The following ATP11B variants were observed in gnomAD, a reference collection of about 807,000 sequenced individuals.
ATP11B encodes the protein ATPase phospholipid transporting 11B (putative), also known as phospholipid-transporting ATPase IF.
A neutral mutation model predicts 157.8 loss-of-function variants in ATP11B; 81 were observed. The ratio of observed to expected loss-of-function variants is 0.51; its 90% CI spans 0.43 to 0.62. ATP11B has a LOEUF of 0.62. Among genes scored for constraint, ATP11B ranks in the 20% least tolerant of loss-of-function variants. The pLI is 0.00. For synonymous variants in ATP11B, 451 were observed against 469.4 expected, an observed-to-expected ratio of 0.96 and a Z score of 0.51; for missense variants, 1,165 against 1,402.2, an observed-to-expected ratio of 0.83 and a Z score of 2.70.
intron 2 of ATP11B, among the ~76,000 whole-genome samples, chr3:182,821,358 C>T (rs556067157): frequency 1.3e-5 from 2 of 152,240 alleles, no homozygotes; most frequent in East Asian, 1.9e-4. Context: ...CCACCCACCT[C>T]GGCCTCCCAA....
chr3:182,900,397 A>G (rs1391686110), intron 28 of ATP11B, among the ~76,000 whole-genome samples: 1 of 152,216 alleles, frequency 6.6e-6, no homozygotes, highest in Non-Finnish European at 1.5e-5. Context: ...TCAGTAAAAC[A>G]GTTATCATTA....
At position 182,872,530 on chromosome 3, in the gene ATP11B, G is replaced by A. The variant is rs755743084; in HGVS notation, c.2041G>A (p.Glu681Lys). The A allele has an allele frequency of 1.9e-6, 3 of 1,605,674 alleles. No individual in the cohort carries two copies. The highest frequency in any genetic ancestry group is 2.5e-6 in the Non-Finnish European group (3 of 1,177,172). The change falls in exon 18 of 30, where the codon GAA becomes AAA. Residue 681 changes from glutamate to lysine, a missense_variant. Around this residue, in one of 4 missense-constraint regions of ATP11B, gnomAD observed 737 missense variants for 930.5 expected, o/e 0.79. Coordinates refer to ENST00000323116, the MANE Select transcript of ATP11B (RefSeq NM_014616.3). ...GATATTACTTGGAGCCACAGCAGTA[G>A]AAGACAGGTAAGTATCAGATAATTA... Reference protein sequence around the residue: ...DLILLGATAVEDRLQDKVRET... With the variant: ...DLILLGATAVKDRLQDKVRET...
At chr3:182,825,811 A>T (rs1192629367) in intron 2 of ATP11B, among the ~76,000 whole-genome samples, 2 of 151,982 alleles carry the variant, frequency 1.3e-5, no homozygotes, top group Non-Finnish European at 2.9e-5. Flanking sequence ...GAGACATGAG[A>T]ATCGCTTGAA....
intron 3 of ATP11B, 71 bp from the exon 4 acceptor site, chr3:182,829,601 T>A: frequency 9.4e-7 from 1 of 1,063,624 alleles, no homozygotes; most frequent in South Asian, 1.5e-5. Flanking sequence ...TAATGTGAAA[T>A]TTTAGATGTT....
At chr3:182,799,340 C>T (rs1029947430) in intron 1 of ATP11B, among the ~76,000 whole-genome samples, 13 of 150,986 alleles carry the variant, frequency 8.6e-5, no homozygotes, top group Admixed American at 2.6e-4. Context: ...TGCAGTTGCG[C>T]GATCTCAGCT....
chr3:182,917,919 A>C (rs188516615), intron 29 of ATP11B, 104 bp from the exon 30 acceptor site: 35 of 1,475,924 alleles, frequency 2.4e-5, no homozygotes, highest in Non-Finnish European at 3.2e-5. Flanking sequence ...ATTTAAATGA[A>C]TCAATCAGTG....
At chr3:182,797,683 G>A (rs544781622) in intron 1 of ATP11B, among the ~76,000 whole-genome samples, 2 of 151,658 alleles carry the variant, frequency 1.3e-5, no homozygotes, top group East Asian at 3.9e-4. Flanking sequence ...ACTCTAGCCT[G>A]GGTGACAGAG....
chr3:182,862,608 T>G (rs1720928362), intron 12 of ATP11B, among the ~76,000 whole-genome samples: 1 of 152,198 alleles, frequency 6.6e-6, no homozygotes, highest in South Asian at 2.1e-4. Flanking sequence ...GCTTGTATTT[T>G]CAGCCTCATC....
In ATP11B at chr3:182,876,786, G is replaced by A. The variant is rs563391948; in HGVS notation, c.2253-2710G>A. ...ATTATGACTTAATCACTTCCGAAAA[G>A]GCCCCACTTCATAACAATGGGGGTT... On this transcript the variant is annotated intron_variant, in intron 19 of 29. Coordinates refer to ENST00000323116, the MANE Select transcript of ATP11B (RefSeq NM_014616.3). Among the ~76,000 whole-genome samples the A allele has an allele frequency of 3.3e-5, 5 of 152,296 alleles. No individual in the cohort carries two copies. The South Asian group carries it at 1.0e-3, about 32-fold the overall frequency.
intron 15 of ATP11B, 94 bp from the exon 16 acceptor site, chr3:182,868,984 C>T: frequency 1.4e-6 from 1 of 719,804 alleles, no homozygotes; most frequent in Non-Finnish European, 2.3e-6. Flanking sequence ...CTCAATTAGC[C>T]ATTTTATCTT....
intron 1 of ATP11B, among the ~76,000 whole-genome samples, chr3:182,815,397 G>GT (rs956869008): frequency 6.6e-6 from 1 of 152,102 alleles, no homozygotes; most frequent in African/African-American, 2.4e-5. Context: ...TTTATTGAAA[G>GT]TTTATGTCTA....
intron 4 of ATP11B, among the ~76,000 whole-genome samples, chr3:182,833,501 AT>A (rs960198698): frequency 6.6e-6 from 1 of 151,514 alleles, no homozygotes; most frequent in African/African-American, 2.4e-5. Context: ...AATTTTTGTT[AT>A]TTTTTTTGTA....
intron 20 of ATP11B, 104 bp from the exon 21 acceptor site, chr3:182,880,775 T>C: frequency 1.8e-6 from 1 of 545,048 alleles, no homozygotes; most frequent in Non-Finnish European, 3.0e-6. Context: ...AATTAAATAT[T>C]TCTTTCATTA....
At position 182,836,059 on chromosome 3, in the gene ATP11B, A is replaced by G. The variant is rs1238690682; in HGVS notation, c.340A>G (p.Asn114Asp). 1.2e-6 allele frequency: 2 copies of G among 1,613,384 alleles called. No homozygotes were observed. The highest frequency in any genetic ancestry group is 8.5e-7 in the Non-Finnish European group (1 of 1,179,558). Residue 114 changes from asparagine to aspartate, a missense_variant, in exon 5 of 30, where the codon AAC becomes GAC. Asn to Asp is a conservative substitution (Grantham distance 23). Around this residue, in one of 4 missense-constraint regions of ATP11B, gnomAD observed 34 missense variants for 79.6 expected, o/e 0.43. Transcript: ENST00000323116. ...GGGATATGAAGATTGGTTACGGCAT[A>G]ACTCAGATAATGAAGTAAATGGAGC... ...KQGYEDWLRH[N>D]SDNEVNGAPV... is the part of the protein sequence containing the mutation.
chr3:182,856,723 A>G (rs1720436583), intron 10 of ATP11B, among the ~76,000 whole-genome samples: 1 of 152,188 alleles, frequency 6.6e-6, no homozygotes, highest in Non-Finnish European at 1.5e-5. Flanking sequence ...GTCACAGCAG[A>G]ATATATAGAG....
chr3:182,799,339 G>A (rs147219230), intron 1 of ATP11B, among the ~76,000 whole-genome samples: 33 of 150,704 alleles, frequency 2.2e-4, no homozygotes, highest in Admixed American at 2.0e-3. Context: ...GTGCAGTTGC[G>A]CGATCTCAGC....
intron 28 of ATP11B, among the ~76,000 whole-genome samples, chr3:182,907,000 G>A (rs1360659351): frequency 1.3e-5 from 2 of 151,890 alleles, no homozygotes; most frequent in Non-Finnish European, 2.9e-5. Flanking sequence ...GGCTGAGGCA[G>A]GAGAATGGCA....
At position 182,859,366 on chromosome 3, in the gene ATP11B, A is replaced by T. The variant is rs1386859940; in HGVS notation, c.1200+7A>T. The T allele has an allele frequency of 1.3e-6, 2 of 1,555,906 alleles. No individual in the cohort carries two copies. The highest frequency in any genetic ancestry group is 1.7e-6 in the Non-Finnish European group (2 of 1,150,672). ...GAATGAAGAGCTTGGACAGGTGAAA[A>T]TGATCCTAATATTTTGTTTCTCTAA... On this transcript the variant is annotated splice_region_variant and intron_variant, in intron 12 of 29. Transcript: ENST00000323116.
At position 182,814,285 on chromosome 3, in the gene ATP11B, G is replaced by A. The variant is rs61112736; in HGVS notation, c.28-5975G>A. Among the ~76,000 whole-genome samples, 1,418 of 151,642 alleles carry A rather than the reference G, an allele frequency of 9.4e-3. 23 individuals carry two copies. The highest frequency in any genetic ancestry group is 0.033 in the African/African-American group (1,348 of 41,316). The stretch of plus-strand genomic sequence containing the variant: ...TTACCATTTTAGCCAGGCTGGTCTC[G>A]AACTCCTGACCTCAGGTGATTTGTC... On this transcript the variant is annotated intron_variant, in intron 1 of 29. Coordinates refer to ENST00000323116, the MANE Select transcript of ATP11B (RefSeq NM_014616.3).
Sources: allele counts gnomAD v4.1 joint callset (sites outside exome capture counted in the v4.1 genomes callset), GRCh38; gene constraint gnomAD v4.1.1; regional missense constraint gnomAD v4.1.1; transcripts MANE v1.5; gene names NCBI Gene and HGNC (gene_info 2026-07-23, HGNC 2026-07-21).